The following DSC1 variants were observed in gnomAD, a reference collection of about 807,000 sequenced individuals.
The protein encoded by DSC1 is desmocollin-1.
A neutral mutation model predicts 98.8 loss-of-function variants in DSC1; 79 were observed. That is an observed-to-expected ratio of 0.80 (90% CI 0.67 to 0.96). The LOEUF is 0.96. Ranked by LOEUF, DSC1 falls within the 50% of genes least tolerant of loss-of-function variation. The pLI, the probability that DSC1 is intolerant of heterozygous loss-of-function variation, is 0.00. For synonymous variants in DSC1, 405 were observed against 372.1 expected, an observed-to-expected ratio of 1.09 and a Z score of -1.02; for missense variants, 1,115 against 1,075.9, an observed-to-expected ratio of 1.04 and a Z score of -0.51.
At chr18:31,153,195 C>T (rs972216114) in intron 5 of DSC1, among the ~76,000 whole-genome samples, 1 of 152,022 alleles carries the variant, frequency 6.6e-6, no homozygotes, top group Admixed American at 6.6e-5. Context: ...GCAAACAGAA[C>T]CCTATCAAAC....
intron 11 of DSC1, among the ~76,000 whole-genome samples, chr18:31,136,742 G>A (rs570282736): frequency 2.0e-5 from 3 of 152,272 alleles, no homozygotes; most frequent in South Asian, 2.1e-4. Context: ...ATGAATTTTT[G>A]TTGGGCCACA....
intron 11 of DSC1, among the ~76,000 whole-genome samples, chr18:31,137,128 A>AT (rs79505175): frequency 0.081 from 12,396 of 152,230 alleles, 576 homozygotes; most frequent in East Asian, 0.11. Context: ...GAATCACTGT[A>AT]TTATAAATCA....
In DSC1 at chr18:31,162,827, G is replaced by T. The variant is rs558651347; in HGVS notation, c.-233C>A. 10 of 513,498 alleles carry T rather than the reference G, an allele frequency of 1.9e-5. No individual in the cohort carries two copies. The highest frequency in any genetic ancestry group is 2.8e-5 in the Non-Finnish European group (8 of 287,100). The allele number at this position is 513,498 out of a possible 1,614,324, so 31.8% of individuals were successfully genotyped here. On this transcript the variant is annotated 5_prime_UTR_variant, in exon 1 of 16. Transcript: ENST00000257198. ...GTCTCCTTCCTTCCAGTTCAATTAC[G>T]TCTAAATGCAAAGAGGCTTTCCTAC...
At chr18:31,134,868 G>A in intron 11 of DSC1, 84 bp from the exon 12 acceptor site, 1 of 1,280,444 alleles carries the variant, frequency 7.8e-7, no homozygotes, top group Non-Finnish European at 1.1e-6. Context: ...GTTGACATCT[G>A]CTTTCTACTA....
Position 31,159,530 on chromosome 18 carries a change from C to A in DSC1, c.64-1G>T, listed in dbSNP as rs959724485. 8 of 1,444,866 alleles carry A rather than the reference C, an allele frequency of 5.5e-6. No individual in the cohort carries two copies. The highest frequency in any genetic ancestry group is 4.9e-5 in the Admixed American group (2 of 40,994). 89.5% of individuals were successfully genotyped at this position (1,444,866 alleles called of 1,614,324 possible). ...AAGCATCGCAAAGTAATGTTAAAAC[C>A]TCAAAAAAAAAAAAAGAAAAAATAT... On this transcript the variant is annotated splice_acceptor_variant, in intron 1 of 15. Coordinates refer to ENST00000257198, the MANE Select transcript of DSC1 (RefSeq NM_024421.2). LOFTEE classifies it high-confidence loss of function.
At chr18:31,139,705 C>A (rs761675425) in intron 11 of DSC1, 43 bp downstream of exon 11, 3 of 1,493,784 alleles carry the variant, frequency 2.0e-6, no homozygotes, top group South Asian at 2.8e-5. Flanking sequence ...TCCTTAAAAA[C>A]ATGTCATATA....
chr18:31,148,446 T>TA, intron 6 of DSC1, 52 bp downstream of exon 6: 5 of 1,505,186 alleles, frequency 3.3e-6, no homozygotes, highest in South Asian at 1.3e-5. Flanking sequence ...TTATAATACT[T>TA]ACGAAATGTC....
In DSC1 at chr18:31,150,313, TACTACCATCA is replaced by T. The variant is rs1568002720; in HGVS notation, c.628-1681_628-1672del. On this transcript the variant is annotated intron_variant, in intron 5 of 15. Transcript: ENST00000257198. ...CCACCACTACCATCATCACCACCACTACTACCATCATCACCACCACCACTACCATCACCAC... is the reference window on the plus strand; with the variant it reads ...CCACCACTACCATCATCACCACCACTTCACCACCACCACTACCATCACCAC... 7.0e-4 allele frequency among the ~76,000 whole-genome samples: 5 copies of T among 7,106 alleles called. 1 individual carries two copies. The highest frequency in any genetic ancestry group is 1.8e-3 in the African/African-American group (3 of 1,690). The allele number at this position is 7,106 out of a possible 152,430, so 4.7% of individuals were successfully genotyped here. A position where few individuals can be genotyped will look rare whatever the true frequency, so the allele number is the denominator to read the frequency against.
chr18:31,157,411 T>G lies in DSC1; in HGVS notation c.311A>C (p.Gln104Pro). 1 of 1,614,228 alleles carries G rather than the reference T, an allele frequency of 6.2e-7. No individual in the cohort carries two copies. Among genetic ancestry groups the G allele is most frequent in the South Asian group, 1.1e-5 (1 of 91,086 alleles). The change falls in exon 3 of 16, where the codon CAA becomes CCA. Residue 104 changes from glutamine (Q) to proline (P), a missense_variant. Physicochemically the swap from Gln to Pro is moderately conservative, Grantham distance 76 (BLOSUM62 -1). Coordinates refer to ENST00000257198, the MANE Select transcript of DSC1 (RefSeq NM_024421.2). ...TGACAGTACAACTTTTATCTCTTGT[T>G]GTTCCCGTCTCTGACCATCTGAAAG... The part of the protein sequence containing the change: ...IFLSDGQRRE[Q>P]QEIKVVLSAR...
chr18:31,132,375 A>T (rs578178385), intron 14 of DSC1, 193 bp downstream of exon 14: 2 of 606,024 alleles, frequency 3.3e-6, no homozygotes, highest in South Asian at 4.8e-5. Flanking sequence ...TAAGTCACTC[A>T]GTTTGTTGTG....
At chr18:31,132,468 G>A in intron 14 of DSC1, 100 bp downstream of exon 14, 1 of 1,482,172 alleles carries the variant, frequency 6.7e-7, no homozygotes, top group Non-Finnish European at 9.2e-7. Context: ...CATAGTAAGT[G>A]CTCAATAAAC....
chr18:31,150,447 T>TATCATCATC (rs1988976318), intron 5 of DSC1, among the ~76,000 whole-genome samples: 2 of 11,406 alleles, frequency 1.8e-4, no homozygotes, highest in Non-Finnish European at 3.5e-4. Context: ...TCACCACCAC[T>TATCATCATC]ACCACCACCA....
intron 3 of DSC1, among the ~76,000 whole-genome samples, chr18:31,156,486 A>G (rs1189744186): frequency 6.6e-6 from 1 of 152,214 alleles, no homozygotes; most frequent in Non-Finnish European, 1.5e-5. Context: ...TTATTCCACT[A>G]GGACTGGCAC....
At position 31,131,773 on chromosome 18, in the gene DSC1, C is replaced by T. The variant is rs1234956833; in HGVS notation, c.2308G>A (p.Gly770Ser). Residue 770 changes from glycine (G) to serine (S), a missense_variant, in exon 15 of 16, where the codon GGT (glycine) becomes AGT (serine). By Grantham distance (56) the Gly-to-Ser change is moderately conservative. Transcript: ENST00000257198. ...CDTSMSVGTV[G>S]GQGIKTQQSF... ...TGCTGTGTTTTGATTCCCTGGCCAC[C>T]AACAGTACCAACAGACATGCTTGTG... The T allele has an allele frequency of 6.2e-7, 1 of 1,614,054 alleles. No individual in the cohort carries two copies. The highest frequency in any genetic ancestry group is 1.7e-5 in the Admixed American group (1 of 60,010).
At chr18:31,148,079 C>T (rs1310298387) in intron 6 of DSC1, among the ~76,000 whole-genome samples, 1 of 152,086 alleles carries the variant, frequency 6.6e-6, no homozygotes, top group African/African-American at 2.4e-5. Flanking sequence ...TGGGTATAGT[C>T]CCTTTTATAC....
At chr18:31,151,511 A>G (rs1248800983) in intron 5 of DSC1, among the ~76,000 whole-genome samples, 1 of 152,238 alleles carries the variant, frequency 6.6e-6, no homozygotes, top group Non-Finnish European at 1.5e-5. Context: ...GTTACAATAA[A>G]AAATAATTTA....
At chr18:31,132,512 T>C in intron 14 of DSC1, 56 bp downstream of exon 14, 1 of 1,596,982 alleles carries the variant, frequency 6.3e-7, no homozygotes, top group South Asian at 1.1e-5. Flanking sequence ...TGTTGAGTAA[T>C]AATCTGTCAT....
intron 2 of DSC1, among the ~76,000 whole-genome samples, chr18:31,158,380 GTTA>G (rs1350967595): frequency 2.6e-5 from 4 of 152,142 alleles, no homozygotes; most frequent in Non-Finnish European, 4.4e-5. Context: ...ATGCGCTGTG[GTTA>G]TTATCAAATT....
At chr18:31,144,806 AATG>A (rs1336352609) in intron 7 of DSC1, among the ~76,000 whole-genome samples, 2 of 152,236 alleles carry the variant, frequency 1.3e-5, no homozygotes, top group Non-Finnish European at 2.9e-5. Flanking sequence ...GATGTGTAAT[AATG>A]ATGTGTCAAC....
Sources: gnomAD v4.1 joint callset for allele counts (sites outside exome capture counted in the v4.1 genomes callset) on GRCh38, gnomAD v4.1.1 for gene constraint, MANE v1.5 for transcripts, NCBI Gene and HGNC (gene_info 2026-07-23, HGNC 2026-07-21) for gene names.